The following CCNH variants were observed in gnomAD, a reference collection of about 807,000 sequenced individuals.
CCNH encodes cyclin H.
CCNH carries 31 observed loss-of-function variants against 41.9 expected under a neutral mutation model. The observed-to-expected ratio is 0.74, with a 90% confidence interval of 0.56 to 1.00. CCNH has a LOEUF of 1.00. Ranked by LOEUF, CCNH falls within the 50% of genes least tolerant of loss-of-function variation. CCNH has a pLI of 0.00. For synonymous variants in CCNH, 138 were observed against 136.1 expected, an observed-to-expected ratio of 1.01 and a Z score of -0.10; for missense variants, 362 against 388.4, an observed-to-expected ratio of 0.93 and a Z score of 0.57.
intron 9 of CCNH, among the ~76,000 whole-genome samples, chr5:87,361,205 G>T (rs1341260597): frequency 6.6e-6 from 1 of 152,164 alleles, no homozygotes; most frequent in Non-Finnish European, 1.5e-5. Flanking sequence ...AATGAGCATG[G>T]CTGTGTTCCA....
At chr5:87,366,373 T>C (rs751800465) in intron 9 of CCNH, 3 of 431,216 alleles carry the variant, frequency 7.0e-6, no homozygotes, top group South Asian at 3.3e-5. Flanking sequence ...TGGAAGTCTG[T>C]TGGCACAATC....
At chr5:87,394,148 C>CTTT, downstream of CCNH, 1 of 703,200 alleles carries the variant, frequency 1.4e-6, no homozygotes, top group East Asian at 7.0e-5. Context: ...TTTGTGGTGC[C>CTTT]TTTTTTAAAA....
chr5:87,363,318 TAAGAG>T, intron 9 of CCNH: 2 of 1,555,158 alleles, frequency 1.3e-6, no homozygotes, highest in East Asian at 2.3e-5. Flanking sequence ...ATTGTTTGGC[TAAGAG>T]AAAACAATTT....
At chr5:87,407,837 C>G in intron 4 of CCNH, 139 bp downstream of exon 4, 1 of 613,638 alleles carries the variant, frequency 1.6e-6, no homozygotes, top group Non-Finnish European at 2.9e-6. Flanking sequence ...AAACAACTGC[C>G]CTAGATGACC....
chr5:87,331,521 T>C, intron 9 of CCNH: 2 of 1,608,572 alleles, frequency 1.2e-6, no homozygotes, highest in South Asian at 1.1e-5. Context: ...ATTCCTATTA[T>C]GAAGCCAAAT....
At chr5:87,371,489 T>C (rs1358651005), downstream of CCNH, among the ~76,000 whole-genome samples, 5 of 152,150 alleles carry the variant, frequency 3.3e-5, no homozygotes, top group Non-Finnish European at 5.9e-5. Flanking sequence ...TCTCTCCTTT[T>C]CCCCAAAGCA....
At chr5:87,339,590 C>G (rs1164852504) in intron 9 of CCNH, among the ~76,000 whole-genome samples, 1 of 151,902 alleles carries the variant, frequency 6.6e-6, no homozygotes, top group African/African-American at 2.4e-5. Flanking sequence ...AACAAGATAA[C>G]CTTTAAAGAA....
chr5:87,386,997 A>G, downstream of CCNH: 2 of 1,182,484 alleles, frequency 1.7e-6, no homozygotes, highest in South Asian at 1.3e-5. Flanking sequence ...AAGATTTTCT[A>G]TCCAAAACTA....
At chr5:87,412,620 C>G (rs1210148923) in intron 1 of CCNH, 58 bp downstream of exon 1, 8 of 1,596,492 alleles carry the variant, frequency 5.0e-6, no homozygotes, top group Non-Finnish European at 6.8e-6. Context: ...AGAAGAGCTC[C>G]CGCAGCTGCT....
chr5:87,361,733 C>A (rs1760109338), intron 9 of CCNH, among the ~76,000 whole-genome samples: 2 of 152,042 alleles, frequency 1.3e-5, no homozygotes, highest in Admixed American at 1.3e-4. Context: ...ATTAGGCAAT[C>A]AAAACCACAG....
At chr5:87,315,674 G>A (rs909816230), downstream of CCNH, among the ~76,000 whole-genome samples, 7 of 152,072 alleles carry the variant, frequency 4.6e-5, no homozygotes, top group Admixed American at 3.9e-4. Flanking sequence ...GTTTAATATG[G>A]GAGAGGGTTG....
chr5:87,346,433 G>A (rs993816207), intron 9 of CCNH, among the ~76,000 whole-genome samples: 3 of 151,788 alleles, frequency 2.0e-5, no homozygotes, highest in South Asian at 2.1e-4. Context: ...TGCCATTTTT[G>A]TATTGGTAAT....
At chr5:87,376,481 T>TCAA in exon 1 of CCNH, 1 of 1,613,988 alleles carries the variant, frequency 6.2e-7, no homozygotes, top group Non-Finnish European at 8.5e-7. Flanking sequence ...CATTAAAAGG[T>TCAA]ATTGAACCAG....
At chr5:87,361,440 T>C (rs1580352555) in intron 9 of CCNH, among the ~76,000 whole-genome samples, 1 of 152,170 alleles carries the variant, frequency 6.6e-6, no homozygotes, top group Admixed American at 6.5e-5. Context: ...CAGCATAACT[T>C]AGATTTATAA....
intron 9 of CCNH, among the ~76,000 whole-genome samples, chr5:87,344,886 T>A (rs1286331099): frequency 6.6e-6 from 1 of 152,034 alleles, no homozygotes; most frequent in Non-Finnish European, 1.5e-5. Flanking sequence ...CTTAGCTCAT[T>A]CATCACTTCC....
At chr5:87,360,516 AGTT>A (rs1760008295) in intron 9 of CCNH, among the ~76,000 whole-genome samples, 1 of 152,216 alleles carries the variant, frequency 6.6e-6, no homozygotes, top group Non-Finnish European at 1.5e-5. Flanking sequence ...TTAAAACACC[AGTT>A]AACATTGATG....
At chr5:87,381,489 A>T (rs1369383064), upstream of CCNH, among the ~76,000 whole-genome samples, 1 of 152,242 alleles carries the variant, frequency 6.6e-6, no homozygotes, top group Non-Finnish European at 1.5e-5. Flanking sequence ...ATGTAAAATA[A>T]TTAGGCAACC....
At chr5:87,311,558 C>T in the CCNH span, among the ~76,000 whole-genome samples, 1 of 152,186 alleles carries the variant, frequency 6.6e-6, no homozygotes, top group Non-Finnish European at 1.5e-5. Flanking sequence ...CAGAGTCCAG[C>T]AGAGATTAGA....
downstream of CCNH, chr5:87,393,628 CTG>C (rs1762683850): frequency 6.6e-6 from 1 of 152,094 alleles, no homozygotes; most frequent in South Asian, 2.1e-4. Flanking sequence ...TTCCTAGTAA[CTG>C]TTATAATCTA....
Sources: allele counts gnomAD v4.1 joint callset (sites outside exome capture counted in the v4.1 genomes callset), GRCh38; gene constraint gnomAD v4.1.1; transcripts MANE v1.5; gene names NCBI Gene and HGNC (gene_info 2026-07-23, HGNC 2026-07-21).